PLB1: variants seen among roughly 807,000 people sequenced by gnomAD.
PLB1 encodes phospholipase B1.
Under a neutral mutation model 227.4 loss-of-function variants are expected in PLB1, and 242 were observed. That is an observed-to-expected ratio of 1.06 (90% confidence interval 0.96 to 1.18). The LOEUF is 1.18. Ranked by LOEUF, PLB1 falls within the 50% of genes most tolerant of loss-of-function variation. The pLI is 0.00. For missense variants in PLB1, 1,858 were observed against 1,816.3 expected, an observed-to-expected ratio of 1.02 and a Z score of -0.42; for synonymous variants, 757 against 682.2, an observed-to-expected ratio of 1.11 and a Z score of -1.71.
chr2:28,525,254 G>C lies in PLB1; in HGVS notation c.244-13G>C. On this transcript the variant is annotated splice_polypyrimidine_tract_variant and intron_variant, in intron 4 of 57. Transcript: ENST00000327757. ...TCCCCTGGCTGGGTGTTAACATTGA[G>C]TATCTATTCCAGCCTCCAGACCCAG... 1 of 1,612,826 alleles carries C rather than the reference G, an allele frequency of 6.2e-7. No individual in the cohort carries two copies. Among genetic ancestry groups the C allele is most frequent in the Non-Finnish European group, 8.5e-7 (1 of 1,179,694 alleles).
chr2:28,567,758 A>AT (rs1308900996), intron 20 of PLB1, among the ~76,000 whole-genome samples: 1 of 151,952 alleles, frequency 6.6e-6, no homozygotes, highest in African/African-American at 2.4e-5. Context: ...AGGCGGAATG[A>AT]TTTTTTAAAG....
At chr2:28,587,601 C>T (rs1291227950) in intron 26 of PLB1, among the ~76,000 whole-genome samples, 1 of 138,668 alleles carries the variant, frequency 7.2e-6, no homozygotes, top group Non-Finnish European at 1.5e-5. Flanking sequence ...CACAGTGAGA[C>T]TGTCTCAAAA....
intron 1 of PLB1, among the ~76,000 whole-genome samples, chr2:28,513,277 A>T (rs1445872703): frequency 1.3e-5 from 2 of 152,100 alleles, no homozygotes; most frequent in African/African-American, 4.8e-5. Context: ...GTTAGGGAGG[A>T]ACAGATCACT....
At chr2:28,511,528 T>G (rs1167377450) in intron 1 of PLB1, among the ~76,000 whole-genome samples, 1 of 152,220 alleles carries the variant, frequency 6.6e-6, no homozygotes, top group African/African-American at 2.4e-5. Context: ...TTCCACTGCC[T>G]TTTGCCTTCC....
chr2:28,543,617 C>T (rs1672812849), intron 14 of PLB1, among the ~76,000 whole-genome samples: 1 of 152,210 alleles, frequency 6.6e-6, no homozygotes, highest in South Asian at 2.1e-4. Context: ...TCCAGCCTGC[C>T]CTCACACTTA....
chr2:28,606,702 G>A, intron 43 of PLB1, 135 bp downstream of exon 43: 1 of 787,356 alleles, frequency 1.3e-6, no homozygotes, highest in South Asian at 1.6e-5. Context: ...TTTGGAGGAT[G>A]GAGGGGAGTC....
At chr2:28,636,033 G>GTGTGTGTGTGTGTGTA (rs1553467799) in intron 56 of PLB1, among the ~76,000 whole-genome samples, 1 of 149,692 alleles carries the variant, frequency 6.7e-6, no homozygotes, top group African/African-American at 2.5e-5. Flanking sequence ...GTGTGTATGT[G>GTGTGTGTGTGTGTGTA]TGTGTGTGTA....
In PLB1 at chr2:28,606,073, A is replaced by G. The variant is rs544249352; in HGVS notation, c.3057+125A>G. 11 of 759,060 alleles carry G rather than the reference A, an allele frequency of 1.4e-5. No individual in the cohort carries two copies. In the East Asian group the frequency reaches 2.0e-4, roughly 14 times the overall value. The allele number at this position is 759,060 out of a possible 1,614,324, so 47.0% of individuals were successfully genotyped here. On this transcript the variant is annotated intron_variant, in intron 42 of 57. Transcript: ENST00000327757. The stretch of plus-strand genomic sequence containing the variant: ...GTGGCTGGTACATCTATAAACGTCT[A>G]TGCAGTTGGAAATGCGGAGTCCTTA...
At chr2:28,599,821 G>A (rs1056503780) in intron 35 of PLB1, among the ~76,000 whole-genome samples, 7 of 152,088 alleles carry the variant, frequency 4.6e-5, no homozygotes, top group African/African-American at 1.7e-4. Context: ...TCACCTGTTG[G>A]CCAGGCTGGT....
At chr2:28,611,963 C>CG (rs984908570) in intron 43 of PLB1, among the ~76,000 whole-genome samples, 204 of 151,906 alleles carry the variant, frequency 1.3e-3, no homozygotes, top group African/African-American at 4.7e-3. Flanking sequence ...ACATGGTGAA[C>CG]CCCCCGTCTC....
At chr2:28,500,522 T>C (rs1351698875) in intron 1 of PLB1, among the ~76,000 whole-genome samples, 2 of 152,218 alleles carry the variant, frequency 1.3e-5, no homozygotes, top group Non-Finnish European at 2.9e-5. Context: ...AAGATGGTGA[T>C]TTTTCTGTCA....
chr2:28,620,681 G>A (rs201183807), intron 48 of PLB1, 38 bp downstream of exon 48: 163 of 1,611,402 alleles, frequency 1.0e-4, no homozygotes, highest in Non-Finnish European at 1.3e-4. Context: ...CACTGTGGCC[G>A]TCCTCCCTGG....
intron 40 of PLB1, among the ~76,000 whole-genome samples, chr2:28,604,422 G>A (rs932177560): frequency 4.6e-5 from 7 of 152,192 alleles, no homozygotes; most frequent in Non-Finnish European, 1.0e-4. Context: ...GGGACTTCCT[G>A]CCTAGCCCTT....
intron 44 of PLB1, among the ~76,000 whole-genome samples, chr2:28,615,637 A>G (rs1389767591): frequency 6.6e-6 from 1 of 152,214 alleles, no homozygotes; most frequent in East Asian, 1.9e-4. Context: ...TGAACCAGTG[A>G]CCAAATTCCC....
chr2:28,581,479 A>G (rs566364451), intron 23 of PLB1, among the ~76,000 whole-genome samples: 120 of 95,844 alleles, frequency 1.3e-3, no homozygotes, highest in Admixed American at 2.3e-3. Context: ...CCAGAGCTCC[A>G]CGCAAAAAAA....
intron 46 of PLB1, among the ~76,000 whole-genome samples, chr2:28,619,273 G>T (rs1279773556): frequency 6.6e-6 from 1 of 152,024 alleles, no homozygotes; most frequent in Non-Finnish European, 1.5e-5. Flanking sequence ...TAGTTATTTC[G>T]GTAGAAACAA....
intron 34 of PLB1, 73 bp from the exon 35 acceptor site, chr2:28,598,579 T>TGGGTC (rs1558876628): frequency 2.5e-6 from 3 of 1,214,978 alleles, no homozygotes; most frequent in Non-Finnish European, 3.7e-6. Flanking sequence ...GGGACCTAGG[T>TGGGTC]CCCACAGTAC....
chr2:28,497,342 C>G (rs188000781), intron 1 of PLB1, among the ~76,000 whole-genome samples: 2 of 152,326 alleles, frequency 1.3e-5, no homozygotes, highest in South Asian at 2.1e-4. Context: ...GCTACTTATT[C>G]AGAGCTCGCT....
intron 15 of PLB1, 37 bp from the exon 16 acceptor site, chr2:28,549,973 T>G: frequency 6.4e-7 from 1 of 1,563,444 alleles, no homozygotes; most frequent in Non-Finnish European, 8.8e-7. Context: ...TACAGACTTC[T>G]AGGGTCACGA....
Sources: allele counts gnomAD v4.1 joint callset (sites outside exome capture counted in the v4.1 genomes callset), GRCh38; gene constraint gnomAD v4.1.1; transcripts MANE v1.5; gene names NCBI Gene and HGNC (gene_info 2026-07-23, HGNC 2026-07-21).